Variants in WNT7A observed in about 807,000 individuals in gnomAD.
WNT7A encodes the protein Wnt family member 7A.
Under a neutral mutation model 28.2 loss-of-function variants are expected in WNT7A, and 16 were observed. That is an observed-to-expected ratio of 0.57 (90% CI 0.38 to 0.86). The LOEUF is 0.86. Among genes scored for constraint, WNT7A ranks in the 40% least tolerant of loss-of-function variants. The pLI, the probability that WNT7A is intolerant of heterozygous loss-of-function variation, is 0.00. For synonymous variants in WNT7A, 190 were observed against 195.9 expected (o/e 0.97, Z 0.25); for missense variants, 411 against 489.7 (o/e 0.84, Z 1.52).
intron 2 of WNT7A, among the ~76,000 whole-genome samples, chr3:13,871,610 C>T (rs1695026620): frequency 6.6e-6 from 1 of 152,058 alleles, no homozygotes; most frequent in Non-Finnish European, 1.5e-5. Context: ...GTCACCCTCC[C>T]TTCTTCCTAG....
At chr3:13,844,100 T>TAC (rs1285214349) in intron 3 of WNT7A, among the ~76,000 whole-genome samples, 4 of 152,010 alleles carry the variant, frequency 2.6e-5, no homozygotes, top group Non-Finnish European at 4.4e-5. Flanking sequence ...GGTCCAAAAA[T>TAC]ACACACACAC....
chr3:13,874,089 C>G (rs1267429226), intron 2 of WNT7A, among the ~76,000 whole-genome samples: 1 of 152,118 alleles, frequency 6.6e-6, no homozygotes, highest in African/African-American at 2.4e-5. Context: ...AGCCTGGGAG[C>G]CCAGATGTGA....
At chr3:13,856,165 G>C (rs541690607) in intron 2 of WNT7A, among the ~76,000 whole-genome samples, 20 of 152,224 alleles carry the variant, frequency 1.3e-4, no homozygotes, top group African/African-American at 4.8e-4. Context: ...TGCCATGCCA[G>C]CCCACCCATG....
intron 3 of WNT7A, among the ~76,000 whole-genome samples, chr3:13,829,540 A>G (rs765164917): frequency 6.6e-6 from 1 of 152,192 alleles, no homozygotes; most frequent in Non-Finnish European, 1.5e-5. Context: ...AGGGCAGGGC[A>G]GGGAGAGCGG....
chr3:13,829,197 G>C (rs1477694329), intron 3 of WNT7A, among the ~76,000 whole-genome samples: 1 of 152,178 alleles, frequency 6.6e-6, no homozygotes, highest in Non-Finnish European at 1.5e-5. Flanking sequence ...AGAATGGAAG[G>C]GTGAAAAGAG....
At chr3:13,832,755 G>C (rs899864008) in intron 3 of WNT7A, among the ~76,000 whole-genome samples, 7 of 152,056 alleles carry the variant, frequency 4.6e-5, no homozygotes, top group African/African-American at 1.7e-4. Flanking sequence ...GCCTGACATG[G>C]AGGGGATGGC....
chr3:13,825,218 G>T (rs1694174864), intron 3 of WNT7A, among the ~76,000 whole-genome samples: 1 of 152,192 alleles, frequency 6.6e-6, no homozygotes, highest in Admixed American at 6.5e-5. Context: ...ATTGTCTTTT[G>T]TAGTGTTTGA....
chr3:13,856,987 G>GAGAAGAAGAAGA lies in WNT7A; in HGVS notation c.299-2196_299-2185dup, dbSNP rs111694534. Among the ~76,000 whole-genome samples the GAGAAGAAGAAGA allele has an allele frequency of 6.7e-3, 476 of 71,468 alleles. 8 individuals are homozygous for GAGAAGAAGAAGA. The highest frequency in any genetic ancestry group is 9.3e-3 in the East Asian group (9 of 968). 46.9% of individuals were successfully genotyped at this position (71,468 alleles called of 152,430 possible). A position where few individuals can be genotyped will look rare whatever the true frequency, so the allele number is the denominator to read the frequency against. ...GAAGAAGGAGAAGAAGAAGAAGAAG[G>GAGAAGAAGAAGA]AGAAGAAGAAGAAGAAGAAGGAAGA... On this transcript the variant is annotated intron_variant, in intron 2 of 3. Coordinates refer to ENST00000285018, the MANE Select transcript of WNT7A (RefSeq NM_004625.4).
intron 2 of WNT7A, chr3:13,863,830 G>C (rs1031622407): frequency 6.6e-6 from 1 of 152,166 alleles, no homozygotes; most frequent in African/African-American, 2.4e-5. Flanking sequence ...GCCCTAGATG[G>C]GTAAAATGAT....
At chr3:13,874,385 C>CAT (rs1381213610) in intron 2 of WNT7A, among the ~76,000 whole-genome samples, 60 of 152,172 alleles carry the variant, frequency 3.9e-4, no homozygotes, top group Non-Finnish European at 1.9e-4. Context: ...TGTGTCTGCA[C>CAT]ACGCCATTCC....
chr3:13,854,922 G>T, intron 2 of WNT7A, 119 bp from the exon 3 acceptor site: 2 of 1,363,432 alleles, frequency 1.5e-6, no homozygotes, highest in East Asian at 2.4e-5. Context: ...AAGCTCGACT[G>T]AGTACCCGTT....
intron 2 of WNT7A, among the ~76,000 whole-genome samples, chr3:13,868,566 G>T (rs1286333655): frequency 8.0e-5 from 1 of 12,428 alleles, no homozygotes; most frequent in Non-Finnish European, 1.2e-4. Flanking sequence ...AAGGGGGAGA[G>T]AGAGAGAGAG....
chr3:13,879,660 C>G, intron 1 of WNT7A, 86 bp downstream of exon 1: 1 of 1,470,092 alleles, frequency 6.8e-7, no homozygotes, highest in Non-Finnish European at 9.3e-7. Flanking sequence ...AGTTGGCCGG[C>G]AGAGGCTCGC....
At chr3:13,853,943 C>G (rs1023746071) in intron 3 of WNT7A, among the ~76,000 whole-genome samples, 1 of 152,230 alleles carries the variant, frequency 6.6e-6, no homozygotes, top group East Asian at 1.9e-4. Context: ...ACCACAAAAA[C>G]AGGGAGGAGG....
rs957235068 is a variant in WNT7A at position 13,819,110 on chromosome 3, T to C, written c.884A>G (p.Asn295Ser). The C allele has an allele frequency of 5.6e-6, 9 of 1,614,170 alleles. No homozygotes were observed. The highest frequency in any genetic ancestry group is 2.2e-5 in the East Asian group (1 of 44,888). Residue 295 changes from asparagine to serine, a missense_variant, in exon 4 of 4, where the codon AAC (asparagine) becomes AGC (serine). Coordinates refer to ENST00000285018, the MANE Select transcript of WNT7A (RefSeq NM_004625.4). Reference sequence around the variant, plus strand: ...GCCGCTGGCCTGGGGAGCCGTCTTGTTGCAGGCGCGGCCCTGGGTGCCCAC... The same window carrying C: ...GCCGCTGGCCTGGGGAGCCGTCTTGCTGCAGGCGCGGCCCTGGGTGCCCAC... The part of the protein sequence containing the change: ...GSVGTQGRAC[N>S]KTAPQASGCD...
intron 3 of WNT7A, among the ~76,000 whole-genome samples, chr3:13,834,936 G>A (rs1168031831): frequency 6.6e-6 from 1 of 152,230 alleles, no homozygotes; most frequent in East Asian, 1.9e-4. Context: ...GGAACATAGC[G>A]GGTGCTCAGT....
rs544985629 is a variant in WNT7A, at chr3:13,857,373, A to G, written c.299-2570T>C. ...GGCCTTGGTAAAGAGATAGAGCCTC[A>G]TGGATAGATCCTCGGGCAAAGAAAC... On this transcript the variant is annotated intron_variant, in intron 2 of 3. Coordinates refer to ENST00000285018, the MANE Select transcript of WNT7A (RefSeq NM_004625.4). Among the ~76,000 whole-genome samples the G allele has an allele frequency of 8.5e-5, 13 of 152,322 alleles. No homozygotes were observed. In the South Asian group the frequency reaches 2.5e-3, roughly 29 times the overall value.
chr3:13,856,197 C>T (rs1694727832), intron 2 of WNT7A, among the ~76,000 whole-genome samples: 1 of 152,234 alleles, frequency 6.6e-6, no homozygotes, highest in South Asian at 2.1e-4. Context: ...AACACAGAGG[C>T]TCTGGAGTCA....
chr3:13,867,866 G>A (rs1384918951), intron 2 of WNT7A, among the ~76,000 whole-genome samples: 1 of 152,156 alleles, frequency 6.6e-6, no homozygotes, highest in East Asian at 1.9e-4. Context: ...CACTTCTCAG[G>A]GAAGTGCAAA....
Sources: allele counts gnomAD v4.1 joint callset (sites outside exome capture counted in the v4.1 genomes callset), GRCh38; gene constraint gnomAD v4.1.1; transcripts MANE v1.5; gene names NCBI Gene and HGNC (gene_info 2026-07-23, HGNC 2026-07-21).